The following FMN1 variants were observed in gnomAD, a reference collection of about 807,000 sequenced individuals.
FMN1 encodes formin-1.
Under a neutral mutation model 132.4 loss-of-function variants are expected in FMN1, and 110 were observed. The observed-to-expected ratio is 0.83, with a 90% CI of 0.71 to 0.97. FMN1 has a LOEUF of 0.97. Among genes scored for constraint, FMN1 ranks in the 50% least tolerant of loss-of-function variants. FMN1 has a pLI of 0.00. For missense variants in FMN1, 1,792 were observed against 1,705.3 expected (o/e 1.05, Z -0.90); for synonymous variants, 722 against 651.7 (o/e 1.11, Z -1.64).
At chr15:33,084,133 A>G (rs1205287902) in intron 5 of FMN1, among the ~76,000 whole-genome samples, 1 of 152,230 alleles carries the variant, frequency 6.6e-6, no homozygotes, top group Non-Finnish European at 1.5e-5. Context: ...TCAGTCAAGC[A>G]GCCCACACCA....
intron 2 of FMN1, among the ~76,000 whole-genome samples, chr15:33,188,663 G>A (rs545734527): frequency 6.6e-6 from 1 of 151,996 alleles, no homozygotes; most frequent in Non-Finnish European, 1.5e-5. Context: ...CAATGTGGCA[G>A]CTATTGATAC....
chr15:32,824,501 T>TA (rs2058315794), intron 17 of FMN1, among the ~76,000 whole-genome samples: 1 of 152,206 alleles, frequency 6.6e-6, no homozygotes, highest in Admixed American at 6.5e-5. Context: ...ATTGGTCAAT[T>TA]ATCTCACCCA....
chr15:33,048,430 T>G (rs1411013837), intron 6 of FMN1, among the ~76,000 whole-genome samples: 4 of 151,712 alleles, frequency 2.6e-5, no homozygotes, highest in African/African-American at 9.7e-5. Flanking sequence ...AGTCCAGGCA[T>G]GTTGTAGATG....
chr15:32,813,663 G>C (rs2057962649), intron 17 of FMN1, among the ~76,000 whole-genome samples: 1 of 152,144 alleles, frequency 6.6e-6, no homozygotes. Context: ...AAACATCTTG[G>C]CTTCGAGTGA....
intron 19 of FMN1, among the ~76,000 whole-genome samples, chr15:32,781,358 T>C (rs1350559868): frequency 6.6e-6 from 1 of 152,224 alleles, no homozygotes; most frequent in Non-Finnish European, 1.5e-5. Flanking sequence ...TACAATTTGC[T>C]TAAAACACAC....
At chr15:33,013,715 T>C (rs1187948677) in intron 6 of FMN1, among the ~76,000 whole-genome samples, 2 of 152,312 alleles carry the variant, frequency 1.3e-5, no homozygotes, top group South Asian at 4.1e-4. Context: ...TTAGTAAGTT[T>C]AAATCTTGTG....
chr15:32,802,478 C>A (rs2057513670), intron 18 of FMN1, among the ~76,000 whole-genome samples: 1 of 152,134 alleles, frequency 6.6e-6, no homozygotes, highest in African/African-American at 2.4e-5. Flanking sequence ...CAACACTGAC[C>A]ACAACCTCCT....
At chr15:32,851,937 T>C (rs2059018787) in intron 17 of FMN1, among the ~76,000 whole-genome samples, 1 of 152,212 alleles carries the variant, frequency 6.6e-6, no homozygotes, top group Non-Finnish European at 1.5e-5. Context: ...TAATAGAGAA[T>C]TAGCTTTCTT....
chr15:33,173,984 C>G (rs1251938108), intron 3 of FMN1, among the ~76,000 whole-genome samples: 1 of 151,860 alleles, frequency 6.6e-6, no homozygotes, highest in African/African-American at 2.4e-5. Context: ...ACCGAAGGAG[C>G]TTTTAAGAGG....
chr15:33,165,226 T>C (rs1381367864), intron 3 of FMN1, among the ~76,000 whole-genome samples: 1 of 152,194 alleles, frequency 6.6e-6, no homozygotes, highest in Non-Finnish European at 1.5e-5. Context: ...ATATCGGGAG[T>C]ATCTTTTTTA....
intron 7 of FMN1, among the ~76,000 whole-genome samples, chr15:32,983,737 C>T (rs1191269369): frequency 3.3e-5 from 5 of 152,154 alleles, no homozygotes; most frequent in South Asian, 4.1e-4. Context: ...GCATTACTCA[C>T]GTCTTAAAGA....
At chr15:32,928,128 C>T (rs1385020071) in intron 9 of FMN1, among the ~76,000 whole-genome samples, 1 of 151,972 alleles carries the variant, frequency 6.6e-6, no homozygotes, top group Non-Finnish European at 1.5e-5. Flanking sequence ...TGGCTACTTT[C>T]ATATAACGAT....
At chr15:33,078,477 T>G (rs1566895790) in intron 5 of FMN1, among the ~76,000 whole-genome samples, 1 of 152,238 alleles carries the variant, frequency 6.6e-6, no homozygotes, top group African/African-American at 2.4e-5. Context: ...GAAGAAATGC[T>G]GTAACAGTTC....
intron 7 of FMN1, among the ~76,000 whole-genome samples, chr15:33,001,294 AAAAAAGTGT>A (rs2034090730): frequency 6.6e-6 from 1 of 152,190 alleles, no homozygotes; most frequent in Non-Finnish European, 1.5e-5. Flanking sequence ...AAAAAGAAAA[AAAAAAGTGT>A]AGCAATTTAC....
chr15:33,074,346 C>A (rs2038115213), intron 5 of FMN1, among the ~76,000 whole-genome samples: 1 of 152,224 alleles, frequency 6.6e-6, no homozygotes, highest in African/African-American at 2.4e-5. Context: ...GTAGCACTTT[C>A]CCTGCCTTCA....
intron 17 of FMN1, among the ~76,000 whole-genome samples, chr15:32,812,494 A>G (rs2057915135): frequency 1.3e-5 from 2 of 152,232 alleles, no homozygotes. Context: ...TTTCATATAT[A>G]CTTTATACAT....
At chr15:32,908,426 A>G (rs1218360709) in intron 12 of FMN1, 64 bp downstream of exon 12, 1 of 1,042,886 alleles carries the variant, frequency 9.6e-7, no homozygotes, top group Non-Finnish European at 1.5e-6. Flanking sequence ...CTGAGCTGGG[A>G]GACAAGAAGA....
At chr15:32,930,613 C>T (rs952949807) in intron 9 of FMN1, among the ~76,000 whole-genome samples, 4 of 151,872 alleles carry the variant, frequency 2.6e-5, no homozygotes, top group African/African-American at 9.7e-5. Context: ...AATATTTTTT[C>T]CCATTCTGTA....
At chr15:33,001,529 C>G (rs934433519) in intron 7 of FMN1, among the ~76,000 whole-genome samples, 1 of 151,472 alleles carries the variant, frequency 6.6e-6, no homozygotes, top group Non-Finnish European at 1.5e-5. Flanking sequence ...CAGTTTTGTC[C>G]AAGTGCGTCC....
Sources: allele counts gnomAD v4.1 joint callset (sites outside exome capture counted in the v4.1 genomes callset), GRCh38; gene constraint gnomAD v4.1.1; transcripts MANE v1.5; gene names NCBI Gene and HGNC (gene_info 2026-07-23, HGNC 2026-07-21).